MOB3B: variants seen among roughly 807,000 people sequenced by gnomAD.
MOB3B encodes MOB kinase activator-like 2B.
Under a neutral mutation model 18.7 loss-of-function variants are expected in MOB3B, and 7 were observed. The observed-to-expected ratio is 0.37, with a 90% CI of 0.21 to 0.70. The LOEUF (loss-of-function observed/expected upper bound fraction) is 0.70. Ranked by LOEUF, MOB3B falls within the 30% of genes least tolerant of loss-of-function variation. MOB3B has a pLI of 0.52. For missense variants in MOB3B, 253 were observed against 281.3 expected, an observed-to-expected ratio of 0.90 and a Z score of 0.72; for synonymous variants, 111 against 99.9, an observed-to-expected ratio of 1.11 and a Z score of -0.66.
chr9:27,364,912 C>G lies in MOB3B; in HGVS notation c.419-5676G>C, dbSNP rs192701895. On this transcript the variant is annotated intron_variant, in intron 2 of 3. Transcript: ENST00000262244. ...CAATTCTGGACTTGCAAAAAACTTACAGTGGCAGGTACTAAATAAGCCCTG... is the reference window on the plus strand; with the variant it reads ...CAATTCTGGACTTGCAAAAAACTTAGAGTGGCAGGTACTAAATAAGCCCTG... 2.0e-5 allele frequency among the ~76,000 whole-genome samples: 3 copies of G among 152,244 alleles called. No individual in the cohort carries two copies. In the East Asian group the frequency reaches 5.8e-4, roughly 29 times the overall value.
At chr9:27,437,120 C>T (rs2131428746) in intron 2 of MOB3B, among the ~76,000 whole-genome samples, 1 of 152,226 alleles carries the variant, frequency 6.6e-6, no homozygotes, top group East Asian at 1.9e-4. Flanking sequence ...CAGGGGCCTC[C>T]TCACAAAGGG....
rs1439466297 is a variant in MOB3B, at chr9:27,327,330, C to T, written c.*3257G>A. On this transcript the variant is annotated 3_prime_UTR_variant, in exon 4 of 4. Coordinates refer to ENST00000262244, the MANE Select transcript of MOB3B (RefSeq NM_024761.5). ...TAATGATTGGATCAGGCAGACAACA[C>T]CTGATCAGTCCTAATATCAGAAAAG... The T allele has an allele frequency of 6.6e-6, 1 of 152,166 alleles. No individual in the cohort carries two copies. The highest frequency in any genetic ancestry group is 1.5e-5 in the Non-Finnish European group (1 of 68,042). The allele number at this position is 152,166 out of a possible 1,614,324, so 9.4% of individuals were successfully genotyped here. A position where few individuals can be genotyped will look rare whatever the true frequency, so the allele number is the denominator to read the frequency against.
At chr9:27,528,088 G>C (rs183786682) in intron 1 of MOB3B, among the ~76,000 whole-genome samples, 1 of 152,254 alleles carries the variant, frequency 6.6e-6, no homozygotes, top group East Asian at 1.9e-4. Context: ...ATTTAAACTT[G>C]GAGCGGTACT....
At chr9:27,473,623 C>G (rs80332114) in intron 1 of MOB3B, among the ~76,000 whole-genome samples, 3,931 of 152,200 alleles carry the variant, frequency 0.026, 74 homozygotes, top group Non-Finnish European at 0.038. Context: ...CTTCTCCAAC[C>G]AAGAGGTCAG....
chr9:27,414,042 A>G (rs951348017), intron 2 of MOB3B, among the ~76,000 whole-genome samples: 2 of 152,248 alleles, frequency 1.3e-5, no homozygotes, highest in African/African-American at 2.4e-5. Flanking sequence ...AGGAGCAACA[A>G]ATATCTTGGA....
chr9:27,451,381 G>C (rs571740563), intron 2 of MOB3B, among the ~76,000 whole-genome samples: 30 of 152,308 alleles, frequency 2.0e-4, no homozygotes, highest in Admixed American at 1.6e-3. Context: ...GGTTTCAAGA[G>C]AGAGTAAGGG....
At chr9:27,410,129 T>A (rs1822042391) in intron 2 of MOB3B, among the ~76,000 whole-genome samples, 1 of 152,210 alleles carries the variant, frequency 6.6e-6, no homozygotes, top group Non-Finnish European at 1.5e-5. Context: ...TTTTAAAAAA[T>A]GTTTGAACTT....
intron 1 of MOB3B, among the ~76,000 whole-genome samples, chr9:27,522,242 C>CAAAAAAAAAAAAAAAAAAAAA (rs1171362204): frequency 7.1e-5 from 4 of 56,044 alleles, no homozygotes; most frequent in Non-Finnish European, 8.8e-5. Flanking sequence ...CCCCGTCTCA[C>CAAAAAAAAAAAAAAAAAAAAA]AAAAAAAAAA....
At chr9:27,410,414 C>T (rs916309365) in intron 2 of MOB3B, among the ~76,000 whole-genome samples, 6 of 152,124 alleles carry the variant, frequency 3.9e-5, no homozygotes, top group Non-Finnish European at 5.9e-5. Flanking sequence ...TTGAGTCACC[C>T]GGTTCAAAAG....
chr9:27,458,283 A>G (rs1476940416), intron 1 of MOB3B, among the ~76,000 whole-genome samples: 4 of 152,030 alleles, frequency 2.6e-5, no homozygotes, highest in Non-Finnish European at 4.4e-5. Flanking sequence ...CATGGACACC[A>G]TTGTGGAAAC....
intron 2 of MOB3B, among the ~76,000 whole-genome samples, chr9:27,416,931 C>T (rs1405337362): frequency 6.6e-6 from 1 of 152,142 alleles, no homozygotes; most frequent in Non-Finnish European, 1.5e-5. Context: ...AAGCAGGGGA[C>T]ACCTGTTACC....
intron 2 of MOB3B, among the ~76,000 whole-genome samples, chr9:27,415,986 T>G (rs147453821): frequency 6.6e-6 from 1 of 152,374 alleles, no homozygotes; most frequent in Admixed American, 6.5e-5. Context: ...CTGGATTATC[T>G]GTAGGTAATC....
chr9:27,488,021 T>A (rs542525804), intron 1 of MOB3B, among the ~76,000 whole-genome samples: 1 of 152,326 alleles, frequency 6.6e-6, no homozygotes, highest in South Asian at 2.1e-4. Context: ...AGTCCCTAGG[T>A]CTGCCAGTAT....
chr9:27,369,912 C>T (rs1263581043), intron 2 of MOB3B, among the ~76,000 whole-genome samples: 3 of 149,814 alleles, frequency 2.0e-5, no homozygotes, highest in African/African-American at 7.4e-5. Flanking sequence ...CATGACAATA[C>T]TACCACATCA....
chr9:27,396,031 C>T (rs1370656839), intron 2 of MOB3B, among the ~76,000 whole-genome samples: 2 of 152,078 alleles, frequency 1.3e-5, no homozygotes, highest in South Asian at 2.1e-4. Flanking sequence ...GGATACTGAG[C>T]ACAAGGTGCC....
At chr9:27,510,451 G>A (rs1275021706) in intron 1 of MOB3B, among the ~76,000 whole-genome samples, 1 of 152,098 alleles carries the variant, frequency 6.6e-6, no homozygotes, top group Non-Finnish European at 1.5e-5. Context: ...CACAAAGTAT[G>A]TTCCCCAAAA....
At chr9:27,343,478 T>TAAAAAAAAAAAAAAAA (rs779124158) in intron 3 of MOB3B, among the ~76,000 whole-genome samples, 5 of 84,330 alleles carry the variant, frequency 5.9e-5, no homozygotes, top group East Asian at 7.5e-4. Flanking sequence ...CAATAAATAC[T>TAAAAAAAAAAAAAAAA]AAAAAAAAAA....
chr9:27,500,328 A>G (rs1040593918), intron 1 of MOB3B, among the ~76,000 whole-genome samples: 2 of 152,136 alleles, frequency 1.3e-5, no homozygotes, highest in East Asian at 1.9e-4. Flanking sequence ...TATAGAAAGC[A>G]CAAACAAGTG....
intron 1 of MOB3B, among the ~76,000 whole-genome samples, chr9:27,528,704 T>A (rs1820479674): frequency 6.6e-6 from 1 of 151,880 alleles, no homozygotes; most frequent in African/African-American, 2.4e-5. Context: ...AAAAGGCCAT[T>A]CGCCACGATC....
Sources: gnomAD v4.1 joint callset for allele counts (sites outside exome capture counted in the v4.1 genomes callset) on GRCh38, gnomAD v4.1.1 for gene constraint, MANE v1.5 for transcripts, NCBI Gene and HGNC (gene_info 2026-07-23, HGNC 2026-07-21) for gene names.